Variants in STON1 observed in about 807,000 individuals in gnomAD.
STON1 encodes stonin 1, also known as stonin-1.
Under a neutral mutation model 60.9 loss-of-function variants are expected in STON1, and 79 were observed. The observed-to-expected ratio is 1.30, with a 90% CI of 1.08 to 1.56. STON1 has a LOEUF of 1.56. Ranked by LOEUF, STON1 falls within the 40% of genes most tolerant of loss-of-function variation. The probability of loss-of-function intolerance (pLI) is 0.00; values close to 1 mark genes in which losing one functional copy is unlikely to be tolerated. For missense variants in STON1, 1,166 were observed against 858.9 expected, an observed-to-expected ratio of 1.36 and a Z score of -4.47; for synonymous variants, 363 against 306.9, an observed-to-expected ratio of 1.18 and a Z score of -1.91.
chr2:48,577,219 C>T (rs1159955273), intron 1 of STON1, among the ~76,000 whole-genome samples: 6 of 152,000 alleles, frequency 3.9e-5, no homozygotes. Context: ...CTGTGCTTTG[C>T]TGTCATATCC....
chr2:48,585,080 C>G (rs1025960281), intron 2 of STON1, among the ~76,000 whole-genome samples: 1 of 152,114 alleles, frequency 6.6e-6, no homozygotes, highest in African/African-American at 2.4e-5. Flanking sequence ...GTTCAGTTCC[C>G]CCATACTAGC....
intron 1 of STON1, among the ~76,000 whole-genome samples, chr2:48,563,524 A>T (rs1043109718): frequency 3.3e-5 from 5 of 152,248 alleles, no homozygotes; most frequent in Non-Finnish European, 7.3e-5. Context: ...GCACAGAGCC[A>T]GTACCCATGG....
At position 48,589,778 on chromosome 2, in the gene STON1, C is replaced by T. The variant is rs147676101; in HGVS notation, c.1931-1875C>T. Among the ~76,000 whole-genome samples the T allele has an allele frequency of 1.2e-3, 184 of 152,148 alleles. 2 individuals are homozygous for T. Among genetic ancestry groups the T allele is most frequent in the African/African-American group, 4.0e-3 (168 of 41,532 alleles). ...TCATGTGTAGTATAATTTTTAACTC[C>T]GAATGTGTAACATTCACAGTCCCTT... On this transcript the variant is annotated intron_variant, in intron 2 of 3. Coordinates refer to ENST00000404752, the MANE Select transcript of STON1 (RefSeq NM_006873.4).
At chr2:48,575,932 A>G (rs902105643) in intron 1 of STON1, among the ~76,000 whole-genome samples, 19 of 150,836 alleles carry the variant, frequency 1.3e-4, no homozygotes, top group African/African-American at 4.4e-4. Context: ...CTAATTTTGC[A>G]TTTTTAGTAG....
At chr2:48,549,476 G>T (rs1258113803) in intron 1 of STON1, among the ~76,000 whole-genome samples, 1 of 152,138 alleles carries the variant, frequency 6.6e-6, no homozygotes, top group Non-Finnish European at 1.5e-5. Context: ...AGATGTGGGT[G>T]CCCTGAGGAC....
chr2:48,590,120 G>C (rs1261447672), intron 2 of STON1, among the ~76,000 whole-genome samples: 1 of 152,166 alleles, frequency 6.6e-6, no homozygotes, highest in Admixed American at 6.5e-5. Context: ...GCAGACAGAG[G>C]ACTAAAAAGA....
At chr2:48,565,433 T>C (rs1009862088) in intron 1 of STON1, among the ~76,000 whole-genome samples, 2 of 152,134 alleles carry the variant, frequency 1.3e-5, no homozygotes, top group Non-Finnish European at 2.9e-5. Flanking sequence ...GCCCCATCTC[T>C]AAATATCATC....
At chr2:48,583,605 G>T (rs905489721) in intron 2 of STON1, among the ~76,000 whole-genome samples, 6 of 144,778 alleles carry the variant, frequency 4.1e-5, no homozygotes, top group African/African-American at 1.5e-4. Context: ...TATTTTAGTT[G>T]AGGGTTGTTG....
intron 1 of STON1, among the ~76,000 whole-genome samples, chr2:48,571,163 T>A (rs776868461): frequency 1.9e-4 from 29 of 152,146 alleles, no homozygotes; most frequent in Non-Finnish European, 1.0e-4. Context: ...GCCTTGTCTC[T>A]GAATTTTGTG....
chr2:48,570,609 A>G (rs1242726370), intron 1 of STON1, among the ~76,000 whole-genome samples: 2 of 152,006 alleles, frequency 1.3e-5, no homozygotes, highest in Admixed American at 1.3e-4. Context: ...TGTATACTAG[A>G]TCCTTGTTAT....
chr2:48,593,327 G>T (rs1310316808), intron 3 of STON1, among the ~76,000 whole-genome samples: 1 of 151,526 alleles, frequency 6.6e-6, no homozygotes, highest in Non-Finnish European at 1.5e-5. Flanking sequence ...ATGTTGGCCA[G>T]GCTGGTCTCG....
chr2:48,560,127 A>T (rs1015155999), intron 1 of STON1, among the ~76,000 whole-genome samples: 1 of 152,178 alleles, frequency 6.6e-6, no homozygotes, highest in African/African-American at 2.4e-5. Flanking sequence ...GGTTTCACTT[A>T]TCCCCCCACT....
intron 2 of STON1, among the ~76,000 whole-genome samples, chr2:48,585,648 G>A (rs1674167003): frequency 6.6e-6 from 1 of 152,176 alleles, no homozygotes; most frequent in South Asian, 2.1e-4. Context: ...GGTTCCAAAT[G>A]GTCTATTCTA....
At chr2:48,530,245 C>A in intron 1 of STON1, 29 bp downstream of exon 1, 1 of 364,430 alleles carries the variant, frequency 2.7e-6, no homozygotes, top group South Asian at 2.1e-5. Context: ...GGGACAGAGA[C>A]GGGAGGCCTG....
intron 2 of STON1, 131 bp from the exon 3 acceptor site, chr2:48,591,522 A>C (rs1674510661): frequency 1.6e-6 from 2 of 1,265,194 alleles, no homozygotes; most frequent in Admixed American, 2.8e-5. Context: ...TATGTTGTTT[A>C]AATGGAATTT....
chr2:48,573,483 C>G (rs72872795), intron 1 of STON1, among the ~76,000 whole-genome samples: 1 of 152,174 alleles, frequency 6.6e-6, no homozygotes, highest in Non-Finnish European at 1.5e-5. Flanking sequence ...AGTGTAATCC[C>G]TGAATGTCTG....
chr2:48,564,513 C>A (rs1372190524), intron 1 of STON1, among the ~76,000 whole-genome samples: 2 of 31,480 alleles, frequency 6.4e-5, no homozygotes, highest in African/African-American at 1.3e-4. Flanking sequence ...TCTTCTTCTT[C>A]TTCTTCTTCT....
chr2:48,555,438 C>T (rs1184167899), intron 1 of STON1, among the ~76,000 whole-genome samples: 5 of 75,516 alleles, frequency 6.6e-5, no homozygotes, highest in Non-Finnish European at 1.1e-4. Context: ...GGCCACTGGC[C>T]GGGCAGGGGG....
chr2:48,557,408 A>G (rs1300149610), intron 1 of STON1, among the ~76,000 whole-genome samples: 1 of 92,846 alleles, frequency 1.1e-5, no homozygotes, highest in African/African-American at 3.4e-5. Flanking sequence ...CTCACTTCCT[A>G]GATGTGATGG....
Sources: allele counts gnomAD v4.1 joint callset (sites outside exome capture counted in the v4.1 genomes callset), GRCh38; gene constraint gnomAD v4.1.1; transcripts MANE v1.5; gene names NCBI Gene and HGNC (gene_info 2026-07-23, HGNC 2026-07-21).